Variants in SLC22A9 observed in about 807,000 individuals in gnomAD.
SLC22A9 encodes organic anion transporter 7.
SLC22A9 carries 64 observed loss-of-function variants against 50.1 expected under a neutral mutation model. The ratio of observed to expected loss-of-function variants is 1.28; its 90% CI spans 1.04 to 1.57. The LOEUF (loss-of-function observed/expected upper bound fraction) is 1.57, where lower values mean the gene tolerates loss of function less well. SLC22A9 is among the 40% of genes most tolerant of loss of function. The probability of loss-of-function intolerance (pLI) is 0.00; values close to 1 mark genes in which losing one functional copy is unlikely to be tolerated. For synonymous variants in SLC22A9, 261 were observed against 242.5 expected, an observed-to-expected ratio of 1.08 and a Z score of -0.71; for missense variants, 757 against 676.1, an observed-to-expected ratio of 1.12 and a Z score of -1.33.
chr11:63,404,909 C>T (rs1352225235), intron 6 of SLC22A9, among the ~76,000 whole-genome samples: 1 of 152,044 alleles, frequency 6.6e-6, no homozygotes, highest in Non-Finnish European at 1.5e-5. Flanking sequence ...AAATTCAGTA[C>T]ACCACCACAA....
chr11:63,384,304 C>G (rs2014622129), intron 6 of SLC22A9, among the ~76,000 whole-genome samples: 1 of 152,132 alleles, frequency 6.6e-6, no homozygotes, highest in Non-Finnish European at 1.5e-5. Flanking sequence ...GCACCCAACC[C>G]CCAACAGGTC....
chr11:63,370,588 G>C, intron 1 of SLC22A9, 130 bp downstream of exon 1: 8 of 1,082,952 alleles, frequency 7.4e-6, no homozygotes, highest in Non-Finnish European at 1.0e-5. Context: ...AATACTAATT[G>C]CTTCTTTATT....
intron 6 of SLC22A9, among the ~76,000 whole-genome samples, chr11:63,385,218 G>A (rs2014644673): frequency 7.5e-6 from 1 of 132,874 alleles, no homozygotes; most frequent in South Asian, 2.5e-4. Flanking sequence ...TGAAATCTTT[G>A]CCCATCCCTA....
intron 6 of SLC22A9, among the ~76,000 whole-genome samples, chr11:63,391,459 C>A (rs1405988645): frequency 2.0e-5 from 3 of 152,036 alleles, no homozygotes; most frequent in Non-Finnish European, 2.9e-5. Flanking sequence ...TGGGGTATAT[C>A]TCTCTCTTTA....
rs766799241 is a variant in SLC22A9, at chr11:63,408,894, C to T, written c.1601+15C>T. On this transcript the variant is annotated intron_variant, in intron 9 of 9. Coordinates refer to ENST00000279178, the MANE Select transcript of SLC22A9 (RefSeq NM_080866.3). ...GAGAAAAATGAGTGAGTAAATAGCC[C>T]GGTTGCCCCTCAGAGGATCTGTGTG... 3.7e-6 allele frequency: 6 copies of T among 1,613,288 alleles called. No homozygotes were observed. Among genetic ancestry groups the T allele is most frequent in the South Asian group, 1.1e-5 (1 of 91,056 alleles).
At chr11:63,375,168 T>G (rs1458039974) in intron 4 of SLC22A9, among the ~76,000 whole-genome samples, 1 of 152,178 alleles carries the variant, frequency 6.6e-6, no homozygotes, top group Non-Finnish European at 1.5e-5. Flanking sequence ...CTGAGGAATA[T>G]TTAGGTAAGT....
intron 2 of SLC22A9, among the ~76,000 whole-genome samples, chr11:63,371,577 G>A (rs1214746673): frequency 6.6e-6 from 1 of 152,170 alleles, no homozygotes; most frequent in Non-Finnish European, 1.5e-5. Context: ...CCTTGGCCAG[G>A]AGTACCAGGT....
chr11:63,381,817 G>A (rs994657586), intron 5 of SLC22A9, among the ~76,000 whole-genome samples: 5 of 152,156 alleles, frequency 3.3e-5, no homozygotes, highest in Non-Finnish European at 7.3e-5. Context: ...TCCAAATGGA[G>A]CTTTGGACTA....
chr11:63,396,358 C>T (rs1482525097), intron 6 of SLC22A9, among the ~76,000 whole-genome samples: 1 of 152,190 alleles, frequency 6.6e-6, no homozygotes, highest in Admixed American at 6.5e-5. Flanking sequence ...AGCAAGCTCC[C>T]AGGGCCTTTC....
rs572518266 is a variant in SLC22A9 at position 63,402,556 on chromosome 11, T to C, written c.1074-3941T>C. ...TTGAAATCAGGTAGTGTGATGCCTC[T>C]CACTCTGTTCCTTTTGTTTAGGATT... On this transcript the variant is annotated intron_variant, in intron 6 of 9. Coordinates refer to ENST00000279178, the MANE Select transcript of SLC22A9 (RefSeq NM_080866.3). 1.8e-4 allele frequency among the ~76,000 whole-genome samples: 28 copies of C among 152,120 alleles called. No homozygotes were observed. In the South Asian group the frequency reaches 5.4e-3, roughly 29 times the overall value.
rs376665285 is a variant in SLC22A9 at position 63,380,731 on chromosome 11, A to T, written c.955-1428A>T. On this transcript the variant is annotated intron_variant, in intron 5 of 9. Coordinates refer to ENST00000279178, the MANE Select transcript of SLC22A9 (RefSeq NM_080866.3). ...GATGTAAGGAGGTAAGAAGGTGAGG[A>T]TCAAAAAAACTACTTATTGGGTACT... is the stretch of plus-strand genomic sequence containing the variant. 3.9e-4 allele frequency among the ~76,000 whole-genome samples: 60 copies of T among 152,252 alleles called. 3 individuals carry two copies. Among genetic ancestry groups the T allele is most frequent in the East Asian group, 2.3e-3 (12 of 5,182 alleles).
chr11:63,376,585 A>G (rs1378417150), intron 5 of SLC22A9, among the ~76,000 whole-genome samples: 1 of 152,060 alleles, frequency 6.6e-6, no homozygotes. Context: ...ATTTAAATCC[A>G]AATATTGGAA....
At chr11:63,394,786 G>A (rs569617245) in intron 6 of SLC22A9, among the ~76,000 whole-genome samples, 1 of 152,168 alleles carries the variant, frequency 6.6e-6, no homozygotes, top group Non-Finnish European at 1.5e-5. Flanking sequence ...GCAAGGCTGG[G>A]GAAGTTTTCC....
At chr11:63,380,449 A>G (rs1372839256) in intron 5 of SLC22A9, among the ~76,000 whole-genome samples, 1 of 152,204 alleles carries the variant, frequency 6.6e-6, no homozygotes, top group Admixed American at 6.5e-5. Context: ...ATGCCCATCA[A>G]CAGTGGACTG....
chr11:63,387,319 T>C (rs1327550015), intron 6 of SLC22A9, among the ~76,000 whole-genome samples: 1 of 152,126 alleles, frequency 6.6e-6, no homozygotes, highest in Admixed American at 6.6e-5. Context: ...TATTTTTGTA[T>C]ATGGTAAGAG....
intron 6 of SLC22A9, among the ~76,000 whole-genome samples, chr11:63,383,833 G>A (rs371599050): frequency 2.0e-5 from 3 of 152,062 alleles, no homozygotes; most frequent in Non-Finnish European, 2.9e-5. Context: ...GGTAGATCAC[G>A]AGGTCAAGAG....
At chr11:63,391,115 G>C (rs2014756409) in intron 6 of SLC22A9, among the ~76,000 whole-genome samples, 1 of 151,858 alleles carries the variant, frequency 6.6e-6, no homozygotes, top group Admixed American at 6.6e-5. Context: ...ATTTCCATGT[G>C]TTGATATGAT....
chr11:63,378,611 A>G (rs772581781), intron 5 of SLC22A9, among the ~76,000 whole-genome samples: 4 of 152,154 alleles, frequency 2.6e-5, no homozygotes, highest in East Asian at 1.9e-4. Context: ...GATCTTATAC[A>G]TACAAATCCC....
At chr11:63,403,365 G>A (rs2014982452) in intron 6 of SLC22A9, among the ~76,000 whole-genome samples, 1 of 152,016 alleles carries the variant, frequency 6.6e-6, no homozygotes, top group Non-Finnish European at 1.5e-5. Flanking sequence ...AAAAATTACT[G>A]TATCTTGCAT....
Sources: gnomAD v4.1 joint callset for allele counts (sites outside exome capture counted in the v4.1 genomes callset) on GRCh38, gnomAD v4.1.1 for gene constraint, MANE v1.5 for transcripts, NCBI Gene and HGNC (gene_info 2026-07-23, HGNC 2026-07-21) for gene names.